The following CADM2 variants were observed in gnomAD, a reference collection of about 807,000 sequenced individuals.
The protein encoded by CADM2 is cell adhesion molecule 2.
Under a neutral mutation model 49.8 loss-of-function variants are expected in CADM2, and 12 were observed. The ratio of observed to expected loss-of-function variants is 0.24; its 90% confidence interval spans 0.15 to 0.39. The LOEUF (loss-of-function observed/expected upper bound fraction) is 0.39. Ranked by LOEUF, CADM2 falls within the 10% of genes least tolerant of loss-of-function variation. The pLI, the probability that CADM2 is intolerant of heterozygous loss-of-function variation, is 1.00. For missense variants in CADM2, 378 were observed against 492.3 expected, an observed-to-expected ratio of 0.77 and a Z score of 2.20; for synonymous variants, 214 against 175.4, an observed-to-expected ratio of 1.22 and a Z score of -1.74.
intron 7 of CADM2, among the ~76,000 whole-genome samples, chr3:85,944,757 T>C (rs1438903874): frequency 6.6e-6 from 1 of 151,720 alleles, no homozygotes; most frequent in Non-Finnish European, 1.5e-5. Context: ...TACCAGAATA[T>C]CTGGGACACA....
At chr3:85,910,405 C>A (rs760954084) in intron 5 of CADM2, among the ~76,000 whole-genome samples, 2 of 151,926 alleles carry the variant, frequency 1.3e-5, no homozygotes, top group African/African-American at 2.4e-5. Context: ...AGTGAAAGAA[C>A]CTTATAATAT....
intron 8 of CADM2, among the ~76,000 whole-genome samples, chr3:85,971,655 G>A (rs1358860074): frequency 6.6e-6 from 1 of 151,626 alleles, no homozygotes; most frequent in Non-Finnish European, 1.5e-5. Context: ...GAAAGAGTAG[G>A]AAAGGGCTCA....
At chr3:85,196,171 A>G (rs1445013970) in intron 1 of CADM2, among the ~76,000 whole-genome samples, 1 of 151,878 alleles carries the variant, frequency 6.6e-6, no homozygotes, top group East Asian at 1.9e-4. Context: ...ACTTTTTTCT[A>G]CCTCCAGCTC....
chr3:85,389,944 T>C (rs1355149207), intron 1 of CADM2, among the ~76,000 whole-genome samples: 1 of 152,088 alleles, frequency 6.6e-6, no homozygotes, highest in Non-Finnish European at 1.5e-5. Context: ...TAAAAATGTA[T>C]GCATATTTTA....
In CADM2 at chr3:85,388,784, T is replaced by TA. The variant is rs879720671; in HGVS notation, c.62-337729dup. Among the ~76,000 whole-genome samples the TA allele has an allele frequency of 2.0e-3, 306 of 150,116 alleles. 1 individual carries two copies. The highest frequency in any genetic ancestry group is 7.0e-3 in the Middle Eastern group (2 of 286). ...TTGACAACCTACCCACCTCCACCAT[T>TA]AAAAAAAAACACAGAAAAATCATAT... On this transcript the variant is annotated intron_variant, in intron 1 of 9. Transcript: ENST00000383699.
intron 8 of CADM2, among the ~76,000 whole-genome samples, chr3:86,055,384 G>T (rs1250671319): frequency 6.7e-6 from 1 of 149,406 alleles, no homozygotes; most frequent in African/African-American, 2.4e-5. Context: ...TTCATAGATA[G>T]TGTAGTGTAT....
At chr3:85,023,198 T>C (rs1392463159) in intron 1 of CADM2, among the ~76,000 whole-genome samples, 1 of 152,220 alleles carries the variant, frequency 6.6e-6, no homozygotes, top group African/African-American at 2.4e-5. Context: ...TACTTATACT[T>C]AGTTTTTGTT....
At chr3:85,568,480 T>C (rs1214315485) in intron 1 of CADM2, among the ~76,000 whole-genome samples, 1 of 56,062 alleles carries the variant, frequency 1.8e-5, no homozygotes, top group Non-Finnish European at 4.7e-5. Flanking sequence ...TCTCTCTTTC[T>C]TTCTTTCTTT....
At chr3:85,496,913 G>A (rs555984733) in intron 1 of CADM2, among the ~76,000 whole-genome samples, 3 of 152,170 alleles carry the variant, frequency 2.0e-5, no homozygotes, top group Admixed American at 6.5e-5. Flanking sequence ...GCGCCATCTC[G>A]GCTCACTGCA....
intron 2 of CADM2, among the ~76,000 whole-genome samples, chr3:85,746,095 A>T (rs946296903): frequency 6.6e-6 from 1 of 152,160 alleles, no homozygotes; most frequent in Non-Finnish European, 1.5e-5. Context: ...AAAAGGATGG[A>T]GTTTTTTATT....
In CADM2 at chr3:85,335,530, A is replaced by G. The variant is rs936413625; in HGVS notation, c.61+375862A>G. Among the ~76,000 whole-genome samples the G allele has an allele frequency of 2.0e-5, 3 of 151,390 alleles. No individual in the cohort carries two copies. The East Asian group carries it at 5.8e-4, about 29-fold the overall frequency. ...TAATGAACAAATTGGAATTATTAGCATATTCATCATCTCAGATATTTATCA... is the reference window on the plus strand; with the variant it reads ...TAATGAACAAATTGGAATTATTAGCGTATTCATCATCTCAGATATTTATCA... On this transcript the variant is annotated intron_variant, in intron 1 of 9. Coordinates refer to ENST00000383699, the MANE Select transcript of CADM2 (RefSeq NM_001167675.2).
At chr3:85,093,718 G>A (rs759806896) in intron 1 of CADM2, among the ~76,000 whole-genome samples, 2 of 151,984 alleles carry the variant, frequency 1.3e-5, no homozygotes, top group Non-Finnish European at 2.9e-5. Context: ...TAAAAATCCT[G>A]CATATCAAAT....
intron 1 of CADM2, among the ~76,000 whole-genome samples, chr3:85,256,073 C>T (rs2042879131): frequency 6.6e-6 from 1 of 151,928 alleles, no homozygotes; most frequent in Admixed American, 6.6e-5. Flanking sequence ...CAGCCTGGTT[C>T]CTTTTTCACT....
chr3:86,051,490 C>T (rs1312295777), intron 8 of CADM2, among the ~76,000 whole-genome samples: 2 of 152,176 alleles, frequency 1.3e-5, no homozygotes, highest in Non-Finnish European at 2.9e-5. Context: ...GTCGTTTCCA[C>T]ATTTTTAGGT....
intron 1 of CADM2, among the ~76,000 whole-genome samples, chr3:85,377,395 G>C (rs2033655948): frequency 6.6e-6 from 1 of 151,976 alleles, no homozygotes; most frequent in African/African-American, 2.4e-5. Context: ...CCTTGCCAAC[G>C]GAAGTTGATG....
intron 1 of CADM2, among the ~76,000 whole-genome samples, chr3:85,465,194 A>G (rs1576604274): frequency 6.6e-6 from 1 of 152,140 alleles, no homozygotes; most frequent in Admixed American, 6.6e-5. Context: ...CAAACAAACA[A>G]AAAACATACT....
At chr3:85,995,907 G>C (rs1007310777) in intron 8 of CADM2, among the ~76,000 whole-genome samples, 1 of 151,842 alleles carries the variant, frequency 6.6e-6, no homozygotes, top group Non-Finnish European at 1.5e-5. Context: ...GGCTAACCAG[G>C]TGAAACACCG....
chr3:85,014,243 T>G (rs2034145929), intron 1 of CADM2, among the ~76,000 whole-genome samples: 1 of 149,106 alleles, frequency 6.7e-6, no homozygotes, highest in South Asian at 2.1e-4. Flanking sequence ...GTAATAATAT[T>G]GTATATTATA....
chr3:85,444,467 A>C (rs905718161), intron 1 of CADM2, among the ~76,000 whole-genome samples: 3 of 150,472 alleles, frequency 2.0e-5, no homozygotes, highest in African/African-American at 4.9e-5. Context: ...ACACACACAC[A>C]CCCTTGCCCC....
Sources: allele counts gnomAD v4.1 joint callset (sites outside exome capture counted in the v4.1 genomes callset), GRCh38; gene constraint gnomAD v4.1.1; transcripts MANE v1.5; gene names NCBI Gene and HGNC (gene_info 2026-07-23, HGNC 2026-07-21).